The following DMD variants were observed in gnomAD, a reference collection of about 807,000 sequenced individuals.
DMD encodes the protein dystrophin, also known as mutant dystrophin.
A neutral mutation model predicts 330.1 loss-of-function variants in DMD; 63 were observed. That is an observed-to-expected ratio of 0.19 (90% CI 0.16 to 0.24). The LOEUF is 0.24. Among genes scored for constraint, DMD ranks in the 10% least tolerant of loss-of-function variants. The pLI is 1.00. For missense variants in DMD, 3,344 were observed against 2,684.1 expected (o/e 1.25, Z -5.43); for synonymous variants, 1,223 against 959.8 (o/e 1.27, Z -5.07).
chrX:31,559,640 CAAA>C (rs1167550498), intron 55 of DMD, among the ~76,000 whole-genome samples: 16 of 21,634 alleles, frequency 7.4e-4, no homozygotes, highest in Non-Finnish European at 1.6e-3. Context: ...AACTCCGTCT[CAAA>C]AAAAAAAAAA....
intron 30 of DMD, among the ~76,000 whole-genome samples, chrX:32,401,950 T>C (rs2098088387): frequency 8.9e-6 from 1 of 112,503 alleles, no homozygotes; most frequent in Non-Finnish European, 1.9e-5. Context: ...TTTGGAATGC[T>C]GCCTAGAAAT....
intron 1 of DMD, among the ~76,000 whole-genome samples, chrX:33,172,668 A>T (rs1017484212): frequency 3.6e-5 from 4 of 112,152 alleles, no homozygotes; most frequent in African/African-American, 9.7e-5. Flanking sequence ...CTCCCGTGGT[A>T]GTATCAAGTA....
At chrX:32,813,160 A>T (rs927772681) in intron 6 of DMD, among the ~76,000 whole-genome samples, 1 of 111,827 alleles carries the variant, frequency 8.9e-6, no homozygotes, top group East Asian at 2.8e-4. Context: ...AAAGCATTGA[A>T]CCAAAAGGCC....
intron 30 of DMD, among the ~76,000 whole-genome samples, chrX:32,395,649 G>A (rs889937667): frequency 8.9e-6 from 1 of 111,738 alleles, no homozygotes; most frequent in Non-Finnish European, 1.9e-5. Context: ...GTATAATCTG[G>A]TGATTTTTAG....
chrX:32,660,330 T>C (rs2060866604), intron 9 of DMD, among the ~76,000 whole-genome samples: 2 of 110,881 alleles, frequency 1.8e-5, no homozygotes, highest in Admixed American at 1.9e-4. Flanking sequence ...TTAAAGGATA[T>C]GTACAGATAT....
chrX:32,591,842 T>G (rs778742074), intron 13 of DMD, among the ~76,000 whole-genome samples: 7 of 113,012 alleles, frequency 6.2e-5, no homozygotes, highest in Non-Finnish European at 1.3e-4. Context: ...CTCCACATAC[T>G]AAGAAGTGCC....
chrX:32,544,847 GA>G (rs1321266065), intron 17 of DMD, among the ~76,000 whole-genome samples: 211 of 92,110 alleles, frequency 2.3e-3, no homozygotes, highest in African/African-American at 6.5e-3. Flanking sequence ...TTATAAGGAA[GA>G]AAAAAAAAAA....
intron 44 of DMD, among the ~76,000 whole-genome samples, chrX:32,061,159 C>G (rs1457647828): frequency 1.8e-5 from 2 of 111,212 alleles, no homozygotes; most frequent in Non-Finnish European, 3.8e-5. Context: ...ATATACAATT[C>G]TTCAGATCTA....
intron 1 of DMD, among the ~76,000 whole-genome samples, chrX:33,266,094 C>G (rs1379717683): frequency 9.0e-6 from 1 of 111,475 alleles, no homozygotes; most frequent in Admixed American, 9.6e-5. Context: ...CTAGCTTTCT[C>G]TTTATTAAAT....
chrX:32,635,568 T>C (rs2059039611), intron 11 of DMD, among the ~76,000 whole-genome samples: 1 of 111,872 alleles, frequency 8.9e-6, no homozygotes, highest in African/African-American at 3.3e-5. Context: ...ATCCAAGAAA[T>C]GGCAAACATG....
At chrX:31,566,645 G>A (rs1316475872) in intron 55 of DMD, among the ~76,000 whole-genome samples, 1 of 111,566 alleles carries the variant, frequency 9.0e-6, no homozygotes, top group Non-Finnish European at 1.9e-5. Context: ...TCCTTGATAA[G>A]ATTTTGATAG....
At chrX:32,598,624 A>G (rs1417466761) in intron 12 of DMD, among the ~76,000 whole-genome samples, 1 of 112,234 alleles carries the variant, frequency 8.9e-6, no homozygotes, top group Admixed American at 9.5e-5. Flanking sequence ...GAAGTGTAAG[A>G]AAAACATTGG....
chrX:33,326,253 TA>T (rs548550204), intron 1 of DMD, among the ~76,000 whole-genome samples: 224 of 95,796 alleles, frequency 2.3e-3, no homozygotes, highest in Middle Eastern at 0.01. Context: ...AAGCAAAGGG[TA>T]AAAAAAAAAA....
chrX:32,623,045 G>C (rs1473806101), intron 11 of DMD, among the ~76,000 whole-genome samples: 1 of 112,127 alleles, frequency 8.9e-6, no homozygotes, highest in African/African-American at 3.2e-5. Flanking sequence ...GACACTGGCA[G>C]GGAAGTATCA....
chrX:31,147,156 G>T, intron 75 of DMD, 119 bp downstream of exon 75: 12 of 954,054 alleles, frequency 1.3e-5, no homozygotes, highest in Non-Finnish European at 1.8e-5. Context: ...CACTTTGCAG[G>T]CACATACCAA....
chrX:32,474,776 T>C (rs2041051624), intron 21 of DMD, among the ~76,000 whole-genome samples: 1 of 111,718 alleles, frequency 9.0e-6, no homozygotes, highest in Non-Finnish European at 1.9e-5. Context: ...ATGTATAGAT[T>C]GTGAAGATTT....
chrX:32,888,122 G>A (rs1860767523), intron 2 of DMD, among the ~76,000 whole-genome samples: 2 of 111,071 alleles, frequency 1.8e-5, no homozygotes, highest in African/African-American at 6.6e-5. Context: ...AGTGGCAACT[G>A]TGATTAAGGA....
At chrX:32,731,736 G>T (rs997881814) in intron 7 of DMD, among the ~76,000 whole-genome samples, 3 of 111,907 alleles carry the variant, frequency 2.7e-5, no homozygotes, top group African/African-American at 9.8e-5. Context: ...AAACAGAAAG[G>T]ACATCCACAC....
intron 60 of DMD, among the ~76,000 whole-genome samples, chrX:31,420,482 G>A (rs189056646): frequency 1.5e-4 from 17 of 112,456 alleles, no homozygotes; most frequent in African/African-American, 5.2e-4. Flanking sequence ...ACCTCTACAA[G>A]TAGGAAGTTG....
Sources: allele counts gnomAD v4.1 joint callset (sites outside exome capture counted in the v4.1 genomes callset), GRCh38; gene constraint gnomAD v4.1.1; transcripts MANE v1.5; gene names NCBI Gene and HGNC (gene_info 2026-07-23, HGNC 2026-07-21).